The following ATP6V0E1 variants were observed in gnomAD, a reference collection of about 807,000 sequenced individuals.
ATP6V0E1 encodes the protein ATPase H+ transporting V0 subunit e1, also known as V-type proton ATPase subunit e 1.
Under a neutral mutation model 11.6 loss-of-function variants are expected in ATP6V0E1, and 4 were observed. That is an observed-to-expected ratio of 0.35 (90% CI 0.17 to 0.79). The LOEUF is 0.79. Ranked by LOEUF, ATP6V0E1 falls within the 30% of genes least tolerant of loss-of-function variation. The pLI, the probability that ATP6V0E1 is intolerant of heterozygous loss-of-function variation, is 0.54. For synonymous variants in ATP6V0E1, 36 were observed against 34.8 expected (o/e 1.04, Z -0.13); for missense variants, 105 against 100.0 (o/e 1.05, Z -0.21).
chr5:173,028,422 G>A (rs1756594710), intron 3 of ATP6V0E1, among the ~76,000 whole-genome samples: 1 of 152,176 alleles, frequency 6.6e-6, no homozygotes, highest in African/African-American at 2.4e-5. Flanking sequence ...ATTTGGGTCT[G>A]ACCTCACCTG....
At chr5:173,017,077 CCT>C (rs1756411284) in intron 2 of ATP6V0E1, among the ~76,000 whole-genome samples, 1 of 152,098 alleles carries the variant, frequency 6.6e-6, no homozygotes, top group African/African-American at 2.4e-5. Flanking sequence ...GCCTTTTGAT[CCT>C]CTGATTGGAA....
At chr5:173,010,221 G>C (rs973936255) in intron 2 of ATP6V0E1, among the ~76,000 whole-genome samples, 2 of 152,144 alleles carry the variant, frequency 1.3e-5, no homozygotes, top group East Asian at 1.9e-4. Flanking sequence ...GGGTGGTCGC[G>C]GGAGAGGAGG....
intron 1 of ATP6V0E1, among the ~76,000 whole-genome samples, chr5:172,988,640 A>G (rs1225462421): frequency 1.3e-5 from 2 of 152,146 alleles, no homozygotes; most frequent in African/African-American, 2.4e-5. Context: ...AAATACTGCA[A>G]ATCAAATTTT....
At chr5:173,014,309 T>C (rs529537052) in intron 2 of ATP6V0E1, among the ~76,000 whole-genome samples, 1 of 151,690 alleles carries the variant, frequency 6.6e-6, no homozygotes, top group African/African-American at 2.4e-5. Flanking sequence ...GGTATGGAGA[T>C]TTTTCAAAAA....
intron 1 of ATP6V0E1, among the ~76,000 whole-genome samples, chr5:172,992,943 G>A (rs492881): frequency 2.6e-5 from 4 of 151,908 alleles, no homozygotes; most frequent in South Asian, 4.2e-4. Flanking sequence ...GATTACAGGC[G>A]AGCACCACCA....
Position 173,024,933 on chromosome 5 carries a change from C to T in ATP6V0E1, c.*36+4566C>T, listed in dbSNP as rs575160352. Among the ~76,000 whole-genome samples the T allele has an allele frequency of 7.4e-5, 11 of 149,512 alleles. No individual in the cohort carries two copies. The East Asian group carries it at 2.2e-3, about 29-fold the overall frequency. ...TCTGGGCTCACTGCAACCTCTGCCT[C>T]CTGGGTTCAAGCGATTCTCCTGCCT... On this transcript the variant is annotated intron_variant, in intron 3 of 3. Coordinates refer to ENST00000519374, the MANE Select transcript of ATP6V0E1 (RefSeq NM_003945.4).
chr5:173,016,663 G>T (rs1037529799), intron 2 of ATP6V0E1, among the ~76,000 whole-genome samples: 1 of 152,198 alleles, frequency 6.6e-6, no homozygotes, highest in African/African-American at 2.4e-5. Flanking sequence ...CAGGCAGCTT[G>T]TATTGCCTGC....
intron 2 of ATP6V0E1, among the ~76,000 whole-genome samples, chr5:173,006,612 T>TCAAA (rs369237135): frequency 0.016 from 2,427 of 152,096 alleles, 41 homozygotes; most frequent in African/African-American, 0.035. Flanking sequence ...AGACTCCATC[T>TCAAA]CAAACAAACA....
intron 3 of ATP6V0E1, chr5:173,021,069 C>A: frequency 2.7e-6 from 1 of 376,484 alleles, no homozygotes; most frequent in South Asian, 1.9e-5. Context: ...AAACATGACA[C>A]CCGTATCTGT....
intron 1 of ATP6V0E1, among the ~76,000 whole-genome samples, chr5:172,991,436 T>C (rs1755976942): frequency 6.6e-6 from 1 of 152,102 alleles, no homozygotes; most frequent in Non-Finnish European, 1.5e-5. Context: ...AGATGGTCTT[T>C]TGGAGAAGAG....
chr5:173,021,839 G>A (rs563008109), intron 3 of ATP6V0E1, among the ~76,000 whole-genome samples: 78 of 152,268 alleles, frequency 5.1e-4, no homozygotes, highest in African/African-American at 1.6e-3. Flanking sequence ...ACGAGGTCAC[G>A]AGATCGAGAC....
intron 3 of ATP6V0E1, 130 bp from the exon 4 acceptor site, chr5:173,034,269 C>G: frequency 1.5e-6 from 1 of 668,658 alleles, no homozygotes; most frequent in Non-Finnish European, 2.8e-6. Flanking sequence ...AGTTGATTAT[C>G]CTGTGTTTCA....
chr5:173,008,129 G>T (rs1561771562), intron 2 of ATP6V0E1, among the ~76,000 whole-genome samples: 1 of 152,172 alleles, frequency 6.6e-6, no homozygotes, highest in African/African-American at 2.4e-5. Context: ...TTAACAGCGT[G>T]CTCACTTTAC....
rs1755842732 is a variant in ATP6V0E1, at chr5:172,983,949, AGGGTCCT to A, written c.90_96del (p.Gly31ThrfsTer10). On this transcript the variant is annotated frameshift_variant, in exon 1 of 4. Transcript: ENST00000519374. LOFTEE classifies it high-confidence loss of function. ...TTCTTGGTGCCTTGGTTCATCCCTA[AGGGTCCT>A]AACCGGGGGTAAGTGCGTGAGGCCC... 6.2e-7 allele frequency: 1 copy of A among 1,612,752 alleles called. No homozygotes were observed. Among genetic ancestry groups the A allele is most frequent in the Non-Finnish European group, 8.5e-7 (1 of 1,179,784 alleles).
chr5:173,017,133 G>A (rs499326), intron 2 of ATP6V0E1, among the ~76,000 whole-genome samples: 70,338 of 152,014 alleles, frequency 0.46, 18,642 homozygotes, highest in East Asian at 0.8. Context: ...AGATCCACCC[G>A]GATAATGGCC....
At chr5:173,004,490 A>T (rs1756200853) in intron 2 of ATP6V0E1, among the ~76,000 whole-genome samples, 2 of 152,266 alleles carry the variant, frequency 1.3e-5, no homozygotes, top group South Asian at 4.1e-4. Context: ...AGTAGCAGAT[A>T]ATTGAGCAAG....
chr5:173,011,723 AG>A lies in ATP6V0E1; in HGVS notation c.153-8514del, dbSNP rs543011052. Among the ~76,000 whole-genome samples, 564 of 152,244 alleles carry A rather than the reference AG, an allele frequency of 3.7e-3. 2 individuals carry two copies. The highest frequency in any genetic ancestry group is 0.013 in the African/African-American group (540 of 41,546). The stretch of plus-strand genomic sequence containing the variant: ...CTGCCTCAATTGTTTGAATAATCTC[AG>A]ATTGGTTATTAAGGCTGGCCCTCAG... On this transcript the variant is annotated intron_variant, in intron 2 of 3. Coordinates refer to ENST00000519374, the MANE Select transcript of ATP6V0E1 (RefSeq NM_003945.4).
chr5:172,988,653 A>G (rs1195719479), intron 1 of ATP6V0E1, among the ~76,000 whole-genome samples: 1 of 152,196 alleles, frequency 6.6e-6, no homozygotes, highest in Non-Finnish European at 1.5e-5. Context: ...CAAATTTTTC[A>G]GGATACGTGA....
intron 3 of ATP6V0E1, among the ~76,000 whole-genome samples, chr5:173,022,275 C>T (rs1311571450): frequency 6.6e-6 from 1 of 152,176 alleles, no homozygotes; most frequent in African/African-American, 2.4e-5. Flanking sequence ...TGCCTCCCAT[C>T]TGGAGAAACA....
Sources: allele counts gnomAD v4.1 joint callset (sites outside exome capture counted in the v4.1 genomes callset), GRCh38; gene constraint gnomAD v4.1.1; transcripts MANE v1.5; gene names NCBI Gene and HGNC (gene_info 2026-07-23, HGNC 2026-07-21).